Variants in CSMD2 observed in about 807,000 individuals in gnomAD.
The protein encoded by CSMD2 is CUB and Sushi multiple domains 2.
CSMD2 carries 130 observed loss-of-function variants against 398.5 expected under a neutral mutation model. The ratio of observed to expected loss-of-function variants is 0.33; its 90% CI spans 0.28 to 0.38. The LOEUF (loss-of-function observed/expected upper bound fraction) is 0.38, where lower values mean the gene tolerates loss of function less well. CSMD2 is among the 10% of genes least tolerant of loss of function. The pLI, the probability that CSMD2 is intolerant of heterozygous loss-of-function variation, is 1.00. For missense variants in CSMD2, 3,829 were observed against 4,764.9 expected, an observed-to-expected ratio of 0.80 and a Z score of 5.78; for synonymous variants, 1,828 against 1,908.5, an observed-to-expected ratio of 0.96 and a Z score of 1.10.
At chr1:33,560,005 T>C (rs1264765965) in intron 53 of CSMD2, among the ~76,000 whole-genome samples, 2 of 152,190 alleles carry the variant, frequency 1.3e-5, no homozygotes, top group African/African-American at 4.8e-5. Context: ...ATTCCTTCCA[T>C]GGCAAGGGAG....
intron 1 of CSMD2, among the ~76,000 whole-genome samples, chr1:34,145,303 A>G (rs1164665541): frequency 6.6e-6 from 1 of 152,214 alleles, no homozygotes; most frequent in African/African-American, 2.4e-5. Context: ...AGGAAAGTCG[A>G]GGCCATAAGA....
intron 27 of CSMD2, among the ~76,000 whole-genome samples, chr1:33,653,992 T>C (rs1416192346): frequency 6.6e-6 from 1 of 152,182 alleles, no homozygotes; most frequent in Non-Finnish European, 1.5e-5. Context: ...CACCTCTGGC[T>C]GTGGCTTTTA....
intron 1 of CSMD2, among the ~76,000 whole-genome samples, chr1:34,139,355 G>A (rs571379007): frequency 6.6e-6 from 1 of 152,270 alleles, no homozygotes; most frequent in South Asian, 2.1e-4. Context: ...ATGGGACTCT[G>A]CAGAGAGTCC....
chr1:33,799,700 G>A (rs1261991942), intron 10 of CSMD2, among the ~76,000 whole-genome samples: 4 of 152,214 alleles, frequency 2.6e-5, no homozygotes, highest in African/African-American at 9.6e-5. Flanking sequence ...TGTGAGGACA[G>A]AGAGGGAGCA....
intron 41 of CSMD2, among the ~76,000 whole-genome samples, chr1:33,608,359 G>A (rs952152572): frequency 1.3e-5 from 2 of 152,310 alleles, no homozygotes; most frequent in African/African-American, 4.8e-5. Context: ...AGTGCACGGG[G>A]TGGGCCCAGG....
At chr1:34,044,009 C>A (rs1652185279) in intron 2 of CSMD2, among the ~76,000 whole-genome samples, 1 of 152,216 alleles carries the variant, frequency 6.6e-6, no homozygotes, top group South Asian at 2.1e-4. Flanking sequence ...TGCCTGGCTT[C>A]TCCCAGCCAT....
intron 13 of CSMD2, among the ~76,000 whole-genome samples, chr1:33,755,574 C>T (rs965513625): frequency 1.2e-4 from 18 of 152,312 alleles, no homozygotes; most frequent in African/African-American, 4.1e-4. Context: ...TTCCTGAGCA[C>T]ATGTATGTCC....
At chr1:33,605,657 T>C (rs1640544203) in intron 41 of CSMD2, among the ~76,000 whole-genome samples, 187 bp from the exon 42 acceptor site, 1 of 152,196 alleles carries the variant, frequency 6.6e-6, no homozygotes, top group Non-Finnish European at 1.5e-5. Context: ...AATGATTATT[T>C]TGAGGACTAA....
At chr1:33,871,996 C>A (rs189987284) in intron 5 of CSMD2, among the ~76,000 whole-genome samples, 247 of 152,306 alleles carry the variant, frequency 1.6e-3, no homozygotes, top group Non-Finnish European at 3.3e-3. Flanking sequence ...ACAGGGTTCT[C>A]ATGATCCAAT....
intron 5 of CSMD2, chr1:33,863,510 G>C (rs899485058): frequency 6.6e-6 from 1 of 152,190 alleles, no homozygotes; most frequent in Non-Finnish European, 1.5e-5. Flanking sequence ...CCAACTCATA[G>C]CCCAAGTGCT....
At chr1:33,932,671 C>A (rs1644351592) in intron 4 of CSMD2, among the ~76,000 whole-genome samples, 1 of 152,126 alleles carries the variant, frequency 6.6e-6, no homozygotes, top group Non-Finnish European at 1.5e-5. Context: ...AGGTAGAAGA[C>A]CTCCATGAGG....
At chr1:33,538,853 G>A (rs1007014833) in intron 60 of CSMD2, among the ~76,000 whole-genome samples, 1 of 152,226 alleles carries the variant, frequency 6.6e-6, no homozygotes, top group African/African-American at 2.4e-5. Context: ...CTGCTGTGGG[G>A]AATGTAAATT....
At chr1:33,594,856 A>T (rs1384444049) in intron 44 of CSMD2, among the ~76,000 whole-genome samples, 2 of 152,210 alleles carry the variant, frequency 1.3e-5, no homozygotes, top group Non-Finnish European at 2.9e-5. Context: ...CCTTGGAAAT[A>T]AAAGTTTTAA....
intron 4 of CSMD2, among the ~76,000 whole-genome samples, chr1:33,930,938 C>T (rs886961851): frequency 2.6e-5 from 4 of 152,198 alleles, no homozygotes; most frequent in Middle Eastern, 3.2e-3. Context: ...TGCTGTGTCC[C>T]CAGACCAAGT....
chr1:33,770,985 C>A (rs900698888), intron 13 of CSMD2, among the ~76,000 whole-genome samples: 16 of 152,216 alleles, frequency 1.1e-4, no homozygotes, highest in African/African-American at 3.9e-4. Context: ...GGTCAAGCAA[C>A]AGTCCCTCAG....
At chr1:33,634,867 C>A (rs1642701027) in intron 31 of CSMD2, among the ~76,000 whole-genome samples, 1 of 152,110 alleles carries the variant, frequency 6.6e-6, no homozygotes, top group Admixed American at 6.6e-5. Flanking sequence ...GGCCACTCAC[C>A]CTGGGTTCCT....
At chr1:34,078,528 A>G (rs527270532) in intron 2 of CSMD2, among the ~76,000 whole-genome samples, 24 of 152,194 alleles carry the variant, frequency 1.6e-4, no homozygotes, top group Admixed American at 8.5e-4. Flanking sequence ...CCACGTAAGC[A>G]TCTATAGCTG....
chr1:33,687,386 C>T (rs1645094014), intron 25 of CSMD2, among the ~76,000 whole-genome samples: 1 of 151,952 alleles, frequency 6.6e-6, no homozygotes, highest in African/African-American at 2.4e-5. Flanking sequence ...GAAATAAAAA[C>T]AAAAGCAAGA....
intron 3 of CSMD2, among the ~76,000 whole-genome samples, chr1:34,028,667 C>A (rs1650011943): frequency 6.6e-6 from 1 of 152,214 alleles, no homozygotes. Flanking sequence ...CCCTGAGGCT[C>A]AGCATGTACT....
Sources: allele counts gnomAD v4.1 joint callset (sites outside exome capture counted in the v4.1 genomes callset), GRCh38; gene constraint gnomAD v4.1.1; transcripts MANE v1.5; gene names NCBI Gene and HGNC (gene_info 2026-07-23, HGNC 2026-07-21).